SDK1: variants seen among roughly 807,000 people sequenced by gnomAD.
SDK1 encodes sidekick cell adhesion molecule 1.
In SDK1, 157 loss-of-function variants were observed where a neutral mutation model predicts 245.5. That is an observed-to-expected ratio of 0.64 (90% confidence interval 0.56 to 0.73). The LOEUF (loss-of-function observed/expected upper bound fraction) is 0.73. Ranked by LOEUF, SDK1 falls within the 30% of genes least tolerant of loss-of-function variation. SDK1 has a pLI of 0.00. For synonymous variants in SDK1, 1,647 were observed against 1,278.5 expected (o/e 1.29, Z -6.15); for missense variants, 3,583 against 3,002.3 (o/e 1.19, Z -4.52).
At chr7:3,569,936 G>C (rs908793777) in intron 1 of SDK1, among the ~76,000 whole-genome samples, 1 of 152,138 alleles carries the variant, frequency 6.6e-6, no homozygotes, top group African/African-American at 2.4e-5. Context: ...CTTTTCCTCT[G>C]TCTCCCAGAA....
chr7:3,311,737 T>A (rs978832059), intron 1 of SDK1, among the ~76,000 whole-genome samples: 1 of 152,202 alleles, frequency 6.6e-6, no homozygotes, highest in African/African-American at 2.4e-5. Flanking sequence ...CACCCTGCTA[T>A]AAACACACAG....
chr7:3,383,743 T>G (rs1218751567), intron 1 of SDK1, among the ~76,000 whole-genome samples: 2 of 152,248 alleles, frequency 1.3e-5, no homozygotes, highest in Non-Finnish European at 2.9e-5. Context: ...GGTTAATGAT[T>G]ATCAAACATC....
At chr7:3,505,370 G>A (rs1268048681) in intron 1 of SDK1, among the ~76,000 whole-genome samples, 1 of 152,008 alleles carries the variant, frequency 6.6e-6, no homozygotes, top group African/African-American at 2.4e-5. Flanking sequence ...TCCTGCCTCT[G>A]CCTCCCAAGT....
At position 3,577,840 on chromosome 7, in the gene SDK1, C is replaced by G. The variant is rs555264040; in HGVS notation, c.299-41240C>G. Reference sequence around the variant, plus strand: ...AGGGCAGAAACTCTAACTTCCTCATCTCCTGCATTGCCTGGCAGCTCCTGT... The same window carrying G: ...AGGGCAGAAACTCTAACTTCCTCATGTCCTGCATTGCCTGGCAGCTCCTGT... On this transcript the variant is annotated intron_variant, in intron 1 of 44. Transcript: ENST00000404826. 5.9e-5 allele frequency among the ~76,000 whole-genome samples: 9 copies of G among 152,124 alleles called. No homozygotes were observed. The South Asian group carries it at 8.3e-4, about 14-fold the overall frequency.
At chr7:3,435,162 GTATT>G (rs1779981192) in intron 1 of SDK1, among the ~76,000 whole-genome samples, 1 of 30,272 alleles carries the variant, frequency 3.3e-5, no homozygotes, top group Non-Finnish European at 6.2e-5. Context: ...AAAAGTCTCT[GTATT>G]TTTTTTTTTG....
chr7:3,394,758 T>A (rs962392605), intron 1 of SDK1, among the ~76,000 whole-genome samples: 23 of 152,156 alleles, frequency 1.5e-4, no homozygotes, highest in Admixed American at 1.5e-3. Flanking sequence ...ATGTACTTTT[T>A]TAATGCTATT....
Position 3,833,465 on chromosome 7 carries a change from C to T in SDK1, c.847+11882C>T, listed in dbSNP as rs562082967. Among the ~76,000 whole-genome samples, 3 of 152,254 alleles carry T rather than the reference C, an allele frequency of 2.0e-5. No homozygotes were observed. In the East Asian group the frequency reaches 5.8e-4, roughly 29 times the overall value. On this transcript the variant is annotated intron_variant, in intron 5 of 44. Coordinates refer to ENST00000404826, the MANE Select transcript of SDK1 (RefSeq NM_152744.4). ...GGAAAGTTTTCAGCACAAGTGTACT[C>T]CAGAATTCAAACTTCTTCCTTTCTA...
chr7:3,667,325 T>C (rs1699621351), intron 4 of SDK1, among the ~76,000 whole-genome samples: 2 of 152,212 alleles, frequency 1.3e-5, no homozygotes, highest in African/African-American at 4.8e-5. Context: ...ACACCATTTA[T>C]TTTTTATGAG....
At position 3,656,317 on chromosome 7, in the gene SDK1, G is replaced by C. The variant is rs183059056; in HGVS notation, c.713+14212G>C. Among the ~76,000 whole-genome samples the C allele has an allele frequency of 1.4e-3, 211 of 152,212 alleles. 1 individual carries two copies. The highest frequency in any genetic ancestry group is 4.9e-3 in the African/African-American group (205 of 41,534). On this transcript the variant is annotated intron_variant, in intron 4 of 44. Coordinates refer to ENST00000404826, the MANE Select transcript of SDK1 (RefSeq NM_152744.4). Reference sequence around the variant, plus strand: ...TGCCTGTGTATCTGCTAGATAGTTTGTTTCACAGTCAAATATAAGTGACTT... The same window carrying C: ...TGCCTGTGTATCTGCTAGATAGTTTCTTTCACAGTCAAATATAAGTGACTT...
At chr7:4,235,489 G>A (rs1429829830) in intron 41 of SDK1, among the ~76,000 whole-genome samples, 2 of 152,076 alleles carry the variant, frequency 1.3e-5, no homozygotes, top group Non-Finnish European at 2.9e-5. Flanking sequence ...TAATGAGTAA[G>A]ATTTAGAAAA....
chr7:4,228,370 C>T (rs999077674), intron 40 of SDK1, among the ~76,000 whole-genome samples: 2 of 152,212 alleles, frequency 1.3e-5, no homozygotes, highest in African/African-American at 4.8e-5. Flanking sequence ...CTCCGCCCTC[C>T]ACAGACATGA....
intron 5 of SDK1, among the ~76,000 whole-genome samples, chr7:3,880,155 T>G (rs1347029067): frequency 6.6e-6 from 1 of 152,202 alleles, no homozygotes; most frequent in Non-Finnish European, 1.5e-5. Flanking sequence ...AACATAATGC[T>G]CGCCGCACTC....
intron 1 of SDK1, among the ~76,000 whole-genome samples, chr7:3,385,245 T>C (rs975929440): frequency 1.3e-5 from 2 of 152,138 alleles, no homozygotes; most frequent in Non-Finnish European, 2.9e-5. Flanking sequence ...TGTTGAAATA[T>C]CTATAGAAGA....
At chr7:4,126,449 T>A (rs551395606) in intron 25 of SDK1, among the ~76,000 whole-genome samples, 65 of 152,052 alleles carry the variant, frequency 4.3e-4, no homozygotes, top group Admixed American at 7.2e-4. Context: ...GGGCCGGGAG[T>A]GGTGGCTCAC....
At position 3,443,071 on chromosome 7, in the gene SDK1, T is replaced by C. The variant is rs1409053848; in HGVS notation, c.298+141187T>C. Among the ~76,000 whole-genome samples the C allele has an allele frequency of 4.6e-5, 7 of 152,174 alleles. 1 individual carries two copies. Among genetic ancestry groups the C allele is most frequent in the African/African-American group, 1.7e-4 (7 of 41,550 alleles). On this transcript the variant is annotated intron_variant, in intron 1 of 44. Coordinates refer to ENST00000404826, the MANE Select transcript of SDK1 (RefSeq NM_152744.4). ...AAAAATAAAAATCTAAGTGCTTTTTTTTTTTTTCCCTCCCAAGTAAAGAGA... is the reference window on the plus strand; with the variant it reads ...AAAAATAAAAATCTAAGTGCTTTTTCTTTTTTTCCCTCCCAAGTAAAGAGA...
chr7:3,532,850 C>G (rs1783394978), intron 1 of SDK1, among the ~76,000 whole-genome samples: 1 of 152,012 alleles, frequency 6.6e-6, no homozygotes, highest in Non-Finnish European at 1.5e-5. Flanking sequence ...GGCCCTCTTT[C>G]AGGCTCTTTT....
intron 44 of SDK1, 24 bp from the exon 45 acceptor site, chr7:4,265,100 C>T: frequency 1.2e-6 from 2 of 1,604,904 alleles, no homozygotes; most frequent in South Asian, 1.1e-5. Flanking sequence ...CCTGCACTCA[C>T]ACCTTCTCTC....
intron 4 of SDK1, among the ~76,000 whole-genome samples, chr7:3,763,393 A>G (rs528674723): frequency 1.3e-5 from 2 of 152,304 alleles, no homozygotes; most frequent in East Asian, 1.9e-4. Context: ...TGTAAAGTGA[A>G]CATCCATATA....
At chr7:3,608,648 C>T (rs1367814181) in intron 1 of SDK1, among the ~76,000 whole-genome samples, 1 of 152,082 alleles carries the variant, frequency 6.6e-6, no homozygotes. Flanking sequence ...TATAATGAAA[C>T]GTGTCAACGT....
Sources: gnomAD v4.1 joint callset for allele counts (sites outside exome capture counted in the v4.1 genomes callset) on GRCh38, gnomAD v4.1.1 for gene constraint, MANE v1.5 for transcripts, NCBI Gene and HGNC (gene_info 2026-07-23, HGNC 2026-07-21) for gene names.